CHL1: variants seen among roughly 807,000 people sequenced by gnomAD.
CHL1 encodes the protein cell adhesion molecule L1 like.
A neutral mutation model predicts 141.9 loss-of-function variants in CHL1; 96 were observed. That is an observed-to-expected ratio of 0.68 (90% CI 0.57 to 0.80). The LOEUF is 0.80. Ranked by LOEUF, CHL1 falls within the 30% of genes least tolerant of loss-of-function variation. The pLI, the probability that CHL1 is intolerant of heterozygous loss-of-function variation, is 0.00. For missense variants in CHL1, 1,820 were observed against 1,457.2 expected (o/e 1.25, Z -4.05); for synonymous variants, 613 against 502.2 (o/e 1.22, Z -2.95).
intron 12 of CHL1, 125 bp from the exon 13 acceptor site, chr3:361,574 A>G (rs1188996288): frequency 1.6e-6 from 1 of 636,808 alleles, no homozygotes. Flanking sequence ...CTATAATTCA[A>G]AACAGACACC....
intron 2 of CHL1, among the ~76,000 whole-genome samples, chr3:316,071 C>G (rs554231962): frequency 2.0e-5 from 3 of 152,020 alleles, no homozygotes; most frequent in African/African-American, 7.2e-5. Flanking sequence ...TGCCACCCTA[C>G]TCTTATTACC....
At chr3:198,408 G>T (rs1267332228) in intron 1 of CHL1, among the ~76,000 whole-genome samples, 1 of 152,052 alleles carries the variant, frequency 6.6e-6, no homozygotes, top group Non-Finnish European at 1.5e-5. Context: ...GCGTGGCGAT[G>T]GTAACTGGTG....
intron 5 of CHL1, among the ~76,000 whole-genome samples, chr3:331,995 C>T (rs1050316722): frequency 3.3e-5 from 5 of 152,210 alleles, no homozygotes; most frequent in Non-Finnish European, 7.3e-5. Flanking sequence ...CAGTTTACTG[C>T]GTGATCTTTG....
At chr3:294,649 T>C (rs1300903456) in intron 2 of CHL1, among the ~76,000 whole-genome samples, 8 of 152,106 alleles carry the variant, frequency 5.3e-5, no homozygotes, top group African/African-American at 1.7e-4. Context: ...TCCTTTTTTT[T>C]CCAAATATAG....
At chr3:314,548 T>A (rs188212571) in intron 2 of CHL1, among the ~76,000 whole-genome samples, 19 of 151,978 alleles carry the variant, frequency 1.3e-4, no homozygotes, top group East Asian at 9.7e-4. Flanking sequence ...CAGTCTTGAC[T>A]GATACTGACC....
At chr3:319,407 T>C (rs1292855505) in intron 2 of CHL1, among the ~76,000 whole-genome samples, 2 of 151,742 alleles carry the variant, frequency 1.3e-5, no homozygotes, top group African/African-American at 4.8e-5. Flanking sequence ...AAACCACTCA[T>C]GTGTATAATA....
chr3:306,684 G>T lies in CHL1; in HGVS notation c.-94-12999G>T, dbSNP rs543884079. 2.0e-5 allele frequency among the ~76,000 whole-genome samples: 3 copies of T among 152,128 alleles called. No individual in the cohort carries two copies. The East Asian group carries it at 5.8e-4, about 29-fold the overall frequency. ...TGTCTCAGAGAATGGAAAAAGAAATGTGATGACAAAAAAAATAATGCAAAA... is the reference window on the plus strand; with the variant it reads ...TGTCTCAGAGAATGGAAAAAGAAATTTGATGACAAAAAAAATAATGCAAAA... On this transcript the variant is annotated intron_variant, in intron 2 of 27. Transcript: ENST00000256509.
rs537810321 is a variant in CHL1 at position 239,659 on chromosome 3, G to A, written c.-174-4954G>A. Among the ~76,000 whole-genome samples, 119 of 151,406 alleles carry A rather than the reference G, an allele frequency of 7.9e-4. 1 individual carries two copies. In the South Asian group the frequency reaches 0.023, roughly 30 times the overall value. ...TGGGAAACGGGTGGTATTTGGTTGC[G>A]TAAGTTCTTTTATGCTGATTTGTGA... On this transcript the variant is annotated intron_variant, in intron 1 of 27. Transcript: ENST00000256509.
intron 2 of CHL1, among the ~76,000 whole-genome samples, chr3:282,525 C>T (rs770450193): frequency 9.9e-5 from 15 of 152,264 alleles, no homozygotes; most frequent in South Asian, 2.1e-4. Context: ...CAGTGCAGGA[C>T]TGCTAGTAAG....
intron 15 of CHL1, chr3:376,324 A>G (rs767302109): frequency 6.1e-6 from 3 of 488,062 alleles, no homozygotes; most frequent in Non-Finnish European, 1.2e-5. Context: ...TGACAGAATT[A>G]TCCAGGCTTC....
In CHL1 at chr3:406,824, T is replaced by C. The variant is rs1163680360; in HGVS notation, c.*1113T>C. ...TTCTTGTATTGCTTTCTTTCAACAGTTTCAAAATAAAATATCATATAAATA... is the reference window on the plus strand; with the variant it reads ...TTCTTGTATTGCTTTCTTTCAACAGCTTCAAAATAAAATATCATATAAATA... On this transcript the variant is annotated 3_prime_UTR_variant, in exon 28 of 28. Coordinates refer to ENST00000256509, the MANE Select transcript of CHL1 (RefSeq NM_006614.4). 6.6e-6 allele frequency: 1 copy of C among 152,132 alleles called. No individual in the cohort carries two copies. Among genetic ancestry groups the C allele is most frequent in the African/African-American group, 2.4e-5 (1 of 41,448 alleles). 9.4% of individuals were successfully genotyped at this position (152,132 alleles called of 1,614,324 possible).
At chr3:275,788 T>A (rs1305970678) in intron 2 of CHL1, among the ~76,000 whole-genome samples, 1 of 152,098 alleles carries the variant, frequency 6.6e-6, no homozygotes, top group Non-Finnish European at 1.5e-5. Flanking sequence ...AAAGAATAGA[T>A]CTCAGTCTGA....
chr3:327,157 G>T (rs1701081172), intron 4 of CHL1, among the ~76,000 whole-genome samples: 1 of 151,894 alleles, frequency 6.6e-6, no homozygotes, highest in African/African-American at 2.4e-5. Flanking sequence ...GGGTGGCTGG[G>T]TAGGCCTACT....
intron 8 of CHL1, 142 bp from the exon 9 acceptor site, chr3:344,447 A>G (rs1488235873): frequency 2.0e-5 from 11 of 560,932 alleles, no homozygotes; most frequent in Non-Finnish European, 3.0e-5. Flanking sequence ...TTAAATGGAA[A>G]TATGTGAAAT....
chr3:394,623 T>C, intron 23 of CHL1, 70 bp from the exon 24 acceptor site: 2 of 1,114,134 alleles, frequency 1.8e-6, no homozygotes, highest in East Asian at 2.4e-5. Flanking sequence ...TAAGGAGAAA[T>C]GAAAATAATG....
chr3:265,418 T>C (rs1454148521), intron 2 of CHL1, among the ~76,000 whole-genome samples: 1 of 152,236 alleles, frequency 6.6e-6, no homozygotes, highest in Non-Finnish European at 1.5e-5. Flanking sequence ...TATTTTCATA[T>C]CTCTTACTGA....
chr3:289,931 CTTTTTT>C, intron 2 of CHL1, among the ~76,000 whole-genome samples: 1 of 102,768 alleles, frequency 9.7e-6, no homozygotes, highest in African/African-American at 3.9e-5. Context: ...CCACTGGTAT[CTTTTTT>C]TTTTTTTTTT....
chr3:306,893 C>T (rs1033857723), intron 2 of CHL1, among the ~76,000 whole-genome samples: 3 of 152,132 alleles, frequency 2.0e-5, no homozygotes, highest in African/African-American at 7.2e-5. Flanking sequence ...ACTACAAGAT[C>T]CTTAAGTGCC....
At position 344,658 on chromosome 3, in the gene CHL1, T is replaced by C. The variant is rs1420655348; in HGVS notation, c.797T>C (p.Ile266Thr). Reference protein sequence around the residue: ...PPTESGSESSITILKGEILLL... With the variant: ...PPTESGSESSTTILKGEILLL... ...ACTGAGAGTGGCAGTGAGTCTTCAA[T>C]TACCATCCTCAAAGGGGAAATCTTG... Residue 266 changes from isoleucine (I) to threonine (T), a missense_variant, in exon 9 of 28, where the codon ATT (isoleucine) becomes ACT (threonine). By Grantham distance (89) the Ile-to-Thr change is moderately conservative. Transcript: ENST00000256509. The C allele has an allele frequency of 2.5e-6, 4 of 1,613,804 alleles. No homozygotes were observed. Among genetic ancestry groups the C allele is most frequent in the Non-Finnish European group, 3.4e-6 (4 of 1,179,786 alleles).
Sources: gnomAD v4.1 joint callset for allele counts (sites outside exome capture counted in the v4.1 genomes callset) on GRCh38, gnomAD v4.1.1 for gene constraint, MANE v1.5 for transcripts, NCBI Gene and HGNC (gene_info 2026-07-23, HGNC 2026-07-21) for gene names.